The following NAV3 variants were observed in gnomAD, a reference collection of about 807,000 sequenced individuals.
The protein encoded by NAV3 is neuron navigator 3.
NAV3 carries 87 observed loss-of-function variants against 244.7 expected under a neutral mutation model. The observed-to-expected ratio is 0.36, with a 90% CI of 0.30 to 0.42. The LOEUF (loss-of-function observed/expected upper bound fraction) is 0.42, where lower values mean the gene tolerates loss of function less well. Among genes scored for constraint, NAV3 ranks in the 20% least tolerant of loss-of-function variants. The probability of loss-of-function intolerance (pLI) is 1.00; values close to 1 mark genes in which losing one functional copy is unlikely to be tolerated. For missense variants in NAV3, 2,663 were observed against 2,893.3 expected (o/e 0.92, Z 1.83); for synonymous variants, 1,126 against 1,042.2 (o/e 1.08, Z -1.55).
chr12:78,129,799 A>G (rs994441061), intron 18 of NAV3, among the ~76,000 whole-genome samples: 2 of 152,156 alleles, frequency 1.3e-5, no homozygotes, highest in African/African-American at 2.4e-5. Flanking sequence ...CACATCTCTG[A>G]ATTTAGGACG....
In NAV3 at chr12:78,020,921, G is replaced by A. The variant is rs78648171; in HGVS notation, c.1908-826G>A. Among the ~76,000 whole-genome samples the A allele has an allele frequency of 5.0e-3, 755 of 152,084 alleles. 3 individuals carry two copies. Among genetic ancestry groups the A allele is most frequent in the African/African-American group, 0.017 (689 of 41,480 alleles). On this transcript the variant is annotated intron_variant, in intron 8 of 39. Coordinates refer to ENST00000397909, the MANE Select transcript of NAV3 (RefSeq NM_001024383.2). ...CCAGTGTGCAATCCTATATTACCTC[G>A]CCTCCTTCTGTGTCTTAGTAGTTCA... is the stretch of plus-strand genomic sequence containing the variant.
intron 2 of NAV3, among the ~76,000 whole-genome samples, chr12:77,723,618 G>A (rs766515470): frequency 2.2e-4 from 33 of 151,864 alleles, no homozygotes; most frequent in Non-Finnish European, 4.6e-4. Flanking sequence ...CAGAAATCTG[G>A]GTGCAGAGCC....
intron 17 of NAV3, among the ~76,000 whole-genome samples, chr12:78,128,291 G>A (rs1199858970): frequency 1.4e-5 from 2 of 147,512 alleles, no homozygotes; most frequent in African/African-American, 2.5e-5. Flanking sequence ...AACAAAAGCT[G>A]CCAATATGTA....
intron 19 of NAV3, 117 bp downstream of exon 19, chr12:78,137,482 C>T (rs1956424312): frequency 9.6e-7 from 1 of 1,043,488 alleles, no homozygotes; most frequent in Non-Finnish European, 1.3e-6. Context: ...GTGTAATTAT[C>T]ATTTGGGAAA....
rs148027269 is a variant in NAV3, at chr12:77,641,817, G to A, written c.72+69551G>A. On this transcript the variant is annotated intron_variant, in intron 2 of 8. Transcript: ENST00000550042. ...GTTTGTTGAGCTGCAGTTGAGGCAAGCTGTTTCATTAGCTATATCCTACAT... is the reference window on the plus strand; with the variant it reads ...GTTTGTTGAGCTGCAGTTGAGGCAAACTGTTTCATTAGCTATATCCTACAT... Among the ~76,000 whole-genome samples the A allele has an allele frequency of 3.9e-3, 591 of 152,206 alleles. 3 individuals carry two copies. Among genetic ancestry groups the A allele is most frequent in the Non-Finnish European group, 7.1e-3 (480 of 67,976 alleles).
chr12:77,873,823 T>A (rs1248744389), intron 1 of NAV3, among the ~76,000 whole-genome samples: 1 of 147,566 alleles, frequency 6.8e-6, no homozygotes, highest in Non-Finnish European at 1.5e-5. Flanking sequence ...GTCAATTTGT[T>A]TTTTCAAGAA....
At chr12:77,998,666 C>T (rs546082328) in intron 7 of NAV3, among the ~76,000 whole-genome samples, 190 bp downstream of exon 7, 2 of 152,254 alleles carry the variant, frequency 1.3e-5, no homozygotes, top group South Asian at 4.1e-4. Flanking sequence ...AACAAATAAA[C>T]TCATTCATTT....
chr12:77,656,107 A>G (rs1188978813), intron 2 of NAV3, among the ~76,000 whole-genome samples: 1 of 151,412 alleles, frequency 6.6e-6, no homozygotes, highest in Non-Finnish European at 1.5e-5. Context: ...ACACATAACA[A>G]TATTAACTTT....
chr12:77,947,634 G>T (rs973696819), intron 3 of NAV3: 2 of 151,834 alleles, frequency 1.3e-5, no homozygotes, highest in African/African-American at 2.4e-5. Flanking sequence ...GAAAAAGATA[G>T]CTTAATGAAG....
At chr12:77,860,617 T>C (rs1879126116) in intron 1 of NAV3, among the ~76,000 whole-genome samples, 1 of 151,888 alleles carries the variant, frequency 6.6e-6, no homozygotes, top group South Asian at 2.1e-4. Flanking sequence ...TTAATGCTTA[T>C]ATTTATTTTT....
At chr12:78,180,023 G>A (rs1279632741) in intron 29 of NAV3, among the ~76,000 whole-genome samples, 1 of 152,036 alleles carries the variant, frequency 6.6e-6, no homozygotes, top group Non-Finnish European at 1.5e-5. Context: ...CTTTTTGCCT[G>A]TTCTTTTGAA....
At chr12:78,209,816 C>T (rs892033591) in intron 39 of NAV3, among the ~76,000 whole-genome samples, 2 of 152,152 alleles carry the variant, frequency 1.3e-5, no homozygotes, top group African/African-American at 2.4e-5. Context: ...ACAACACAAA[C>T]TTGACAGTAA....
At chr12:78,059,983 C>G (rs10859886) in intron 12 of NAV3, among the ~76,000 whole-genome samples, 1,865 of 115,022 alleles carry the variant, frequency 0.016, 48 homozygotes, top group African/African-American at 0.048. Flanking sequence ...GTGTGTGTGT[C>G]TGTGTGTGTG....
At chr12:78,083,497 T>C (rs1378367700) in intron 12 of NAV3, among the ~76,000 whole-genome samples, 1 of 152,214 alleles carries the variant, frequency 6.6e-6, no homozygotes, top group East Asian at 1.9e-4. Context: ...ATTTTAACTC[T>C]AATATTTTTG....
Position 78,119,318 on chromosome 12 carries a change from C to T in NAV3, c.3122C>T (p.Ala1041Val), listed in dbSNP as rs367791464. 3 of 1,614,128 alleles carry T rather than the reference C, an allele frequency of 1.9e-6. No individual in the cohort carries two copies. In the East Asian group the frequency reaches 6.7e-5, roughly 36 times the overall value. Residue 1041 changes from alanine (A) to valine (V), a missense_variant, in exon 15 of 40, where the codon GCA (alanine) becomes GTA (valine). Physicochemically the swap from Ala to Val is moderately conservative, Grantham distance 64. Transcript: ENST00000397909. Reference protein sequence around the residue: ...GSSLQRSPSDAGKSSGDEGKK... With the variant: ...GSSLQRSPSDVGKSSGDEGKK... ...TCTCTACAAAGATCTCCTTCAGATG[C>T]AGGAAAAAGCAGTGGAGATGAAGGG... is the stretch of plus-strand genomic sequence containing the variant.
rs1192767894 is a variant in NAV3 at position 78,162,873 on chromosome 12, TATATATATA to T, written c.4869+3606_4869+3614del. ...CAAGACTCTGTCTCAAAAAAAAATATATATATATAATATATATAATATATATATAAATAT... is the reference window on the plus strand; with the variant it reads ...CAAGACTCTGTCTCAAAAAAAAATATATATATATAATATATATATAAATAT... On this transcript the variant is annotated intron_variant, in intron 23 of 39. Transcript: ENST00000397909. Among the ~76,000 whole-genome samples the T allele has an allele frequency of 4.1e-3, 497 of 122,358 alleles. 3 individuals are homozygous for T. Among genetic ancestry groups the T allele is most frequent in the African/African-American group, 0.012 (403 of 33,974 alleles). 80.3% of individuals were successfully genotyped at this position (122,358 alleles called of 152,430 possible).
intron 2 of NAV3, among the ~76,000 whole-genome samples, chr12:77,660,724 C>T (rs1251975688): frequency 1.3e-5 from 2 of 152,016 alleles, no homozygotes; most frequent in African/African-American, 4.8e-5. Flanking sequence ...CCACCTTCAC[C>T]AAAAGTTTCT....
At chr12:77,854,781 C>T (rs1386207599) in intron 1 of NAV3, among the ~76,000 whole-genome samples, 1 of 152,024 alleles carries the variant, frequency 6.6e-6, no homozygotes, top group South Asian at 2.1e-4. Flanking sequence ...GATCATATAC[C>T]GTCTAAATAT....
chr12:77,858,191 C>T (rs1878687431), intron 1 of NAV3, among the ~76,000 whole-genome samples: 2 of 151,958 alleles, frequency 1.3e-5, no homozygotes, highest in Admixed American at 1.3e-4. Flanking sequence ...AAAAGTTATC[C>T]ATCATCCACA....
Sources: gnomAD v4.1 joint callset for allele counts (sites outside exome capture counted in the v4.1 genomes callset) on GRCh38, gnomAD v4.1.1 for gene constraint, MANE v1.5 for transcripts, NCBI Gene and HGNC (gene_info 2026-07-23, HGNC 2026-07-21) for gene names.